Variants in ARID1B observed in about 807,000 individuals in gnomAD.
ARID1B encodes the protein AT-rich interaction domain 1B.
A neutral mutation model predicts 212.3 loss-of-function variants in ARID1B; 30 were observed. The observed-to-expected ratio is 0.14, with a 90% CI of 0.11 to 0.19. The LOEUF (loss-of-function observed/expected upper bound fraction) is 0.19. Ranked by LOEUF, ARID1B falls within the 10% of genes least tolerant of loss-of-function variation. The pLI is 1.00. For missense variants in ARID1B, 2,891 were observed against 3,204.0 expected (o/e 0.90, Z 2.36); for synonymous variants, 1,402 against 1,301.7 (o/e 1.08, Z -1.66).
chr6:157,137,343 C>T (rs1353082976), intron 7 of ARID1B, among the ~76,000 whole-genome samples: 1 of 152,144 alleles, frequency 6.6e-6, no homozygotes, highest in Non-Finnish European at 1.5e-5. Flanking sequence ...TTGCCACCTT[C>T]AAGCAAGCAC....
chr6:156,914,897 T>C (rs11961360), intron 3 of ARID1B, among the ~76,000 whole-genome samples: 33,627 of 152,106 alleles, frequency 0.22, 3,943 homozygotes, highest in African/African-American at 0.29. Flanking sequence ...CACTTTTTTT[T>C]TCTTTTTTTC....
intron 4 of ARID1B, among the ~76,000 whole-genome samples, chr6:157,005,133 TTGTTGTTG>T (rs1194602606): frequency 2.0e-5 from 1 of 51,176 alleles, no homozygotes; most frequent in Non-Finnish European, 3.9e-5. Flanking sequence ...AGGCTGTTTT[TTGTTGTTG>T]TTGTTGTTGT....
intron 4 of ARID1B, among the ~76,000 whole-genome samples, chr6:157,033,674 T>G (rs1438535899): frequency 2.0e-5 from 3 of 152,190 alleles, no homozygotes; most frequent in African/African-American, 4.8e-5. Flanking sequence ...TGAAGGTTTT[T>G]GTGCTTTAGG....
intron 17 of ARID1B, among the ~76,000 whole-genome samples, chr6:157,199,766 C>T (rs1310519120): frequency 6.6e-6 from 1 of 151,904 alleles, no homozygotes; most frequent in Non-Finnish European, 1.5e-5. Context: ...TGGGCTCAAG[C>T]GATTCTCCTG....
At chr6:157,097,067 G>C (rs1362866492) in intron 5 of ARID1B, among the ~76,000 whole-genome samples, 2 of 152,112 alleles carry the variant, frequency 1.3e-5, no homozygotes, top group African/African-American at 4.8e-5. Context: ...AGTGGTTTTA[G>C]CTGTCTCGTT....
chr6:156,868,332 A>G (rs1217780298), intron 2 of ARID1B, among the ~76,000 whole-genome samples: 2 of 152,250 alleles, frequency 1.3e-5, no homozygotes, highest in Admixed American at 1.3e-4. Context: ...GATAAATATT[A>G]AGGATTTAAA....
chr6:157,189,517 C>G, intron 13 of ARID1B, 125 bp from the exon 14 acceptor site: 2 of 1,165,306 alleles, frequency 1.7e-6, no homozygotes, highest in South Asian at 1.8e-5. Context: ...GCTATTGTTA[C>G]TGTTTCTAAT....
intron 13 of ARID1B, among the ~76,000 whole-genome samples, chr6:157,188,799 G>A (rs1793157763): frequency 6.6e-6 from 1 of 152,120 alleles, no homozygotes; most frequent in Admixed American, 6.5e-5. Context: ...TTGATGATCT[G>A]GCGTGCTAAG....
At position 156,778,244 on chromosome 6, in the gene ARID1B, A is replaced by G. The variant is rs1562375493; in HGVS notation, c.564A>G (p.Ala188=). The change falls in exon 1 of 20, where the codon GCA becomes GCG. Residue 188 remains alanine, a synonymous_variant. Coordinates refer to ENST00000636930, the MANE Select transcript of ARID1B (RefSeq NM_001374828.1). The part of the protein sequence containing the change: ...HHAHHLHHHH[A]LQQQLNQFQQ... ...CCCACCACCTCCACCACCACCACGCACTACAGCAGCAGCTAAACCAGTTCC... is the reference window on the plus strand; with the variant it reads ...CCCACCACCTCCACCACCACCACGCGCTACAGCAGCAGCTAAACCAGTTCC... 4 of 1,540,438 alleles carry G rather than the reference A, an allele frequency of 2.6e-6. No individual in the cohort carries two copies. The highest frequency in any genetic ancestry group is 3.5e-6 in the Non-Finnish European group (4 of 1,146,128).
chr6:156,934,915 TATATATATATATATATATATATATATATA>T (rs1792048544), intron 3 of ARID1B, among the ~76,000 whole-genome samples: 1 of 39,040 alleles, frequency 2.6e-5, no homozygotes, highest in Non-Finnish European at 5.1e-5. Flanking sequence ...TTGTTAATTA[TATATATATATATATATATATATATATATA>T]TATATATATA....
At chr6:156,954,957 C>A (rs1433066792) in intron 4 of ARID1B, among the ~76,000 whole-genome samples, 1 of 152,244 alleles carries the variant, frequency 6.6e-6, no homozygotes, top group Non-Finnish European at 1.5e-5. Flanking sequence ...CGGAGGCCAC[C>A]TGGCCCGCTT....
At chr6:157,014,742 T>C (rs1406961616) in intron 4 of ARID1B, among the ~76,000 whole-genome samples, 1 of 152,236 alleles carries the variant, frequency 6.6e-6, no homozygotes, top group Non-Finnish European at 1.5e-5. Flanking sequence ...AGGAATACAA[T>C]AGTTTTCAGT....
intron 4 of ARID1B, among the ~76,000 whole-genome samples, chr6:156,983,173 G>A (rs1777716001): frequency 6.6e-6 from 1 of 151,894 alleles, no homozygotes; most frequent in Non-Finnish European, 1.5e-5. Context: ...GAGATGGGTG[G>A]ATCATGAGGT....
chr6:157,043,698 T>C (rs1309012386), intron 4 of ARID1B, among the ~76,000 whole-genome samples: 1 of 152,240 alleles, frequency 6.6e-6, no homozygotes, highest in Non-Finnish European at 1.5e-5. Context: ...ATTCTGGGAT[T>C]TCCTTGCCGA....
At chr6:156,886,836 A>G (rs1248125517) in intron 2 of ARID1B, among the ~76,000 whole-genome samples, 1 of 152,238 alleles carries the variant, frequency 6.6e-6, no homozygotes, top group Admixed American at 6.5e-5. Flanking sequence ...TCATTGATCC[A>G]GCAATATGTG....
At chr6:156,892,933 T>C (rs1223810033) in intron 2 of ARID1B, among the ~76,000 whole-genome samples, 3 of 152,116 alleles carry the variant, frequency 2.0e-5, no homozygotes, top group African/African-American at 7.2e-5. Context: ...AAGAATAAAA[T>C]TGGACCCTTT....
intron 9 of ARID1B, chr6:157,173,057 G>A (rs1350509975): frequency 6.6e-6 from 1 of 152,212 alleles, no homozygotes; most frequent in Admixed American, 6.5e-5. Context: ...CTGCAGCCCA[G>A]TGTTGCGCAG....
At position 156,778,752 on chromosome 6, in the gene ARID1B, G is replaced by A. The variant is rs2114984668; in HGVS notation, c.1072G>A (p.Gly358Arg). 2 of 1,512,002 alleles carry A rather than the reference G, an allele frequency of 1.3e-6. No homozygotes were observed. The highest frequency in any genetic ancestry group is 1.8e-6 in the Non-Finnish European group (2 of 1,126,142). The allele number at this position is 1,512,002 out of a possible 1,614,324, so 93.7% of individuals were successfully genotyped here. A position where few individuals can be genotyped will look rare whatever the true frequency, so the allele number is the denominator to read the frequency against. ...GCACTCCGCCTCCGCCGCCGCCGCC[G>A]GGGCCCCCGGCAGCATGGACCCCCT... The part of the protein sequence containing the change: ...MMHSASAAAA[G>R]APGSMDPLQN... Residue 358 changes from glycine to arginine, a missense_variant, in exon 1 of 20, where the codon GGG (glycine) becomes AGG (arginine). By Grantham distance (125) the Gly-to-Arg change is moderately radical. Transcript: ENST00000636930.
At chr6:157,090,903 G>A (rs766626518) in intron 5 of ARID1B, among the ~76,000 whole-genome samples, 2 of 152,042 alleles carry the variant, frequency 1.3e-5, no homozygotes, top group African/African-American at 2.4e-5. Flanking sequence ...AGCCAGCTGC[G>A]CTTCACCCTA....
Sources: allele counts gnomAD v4.1 joint callset (sites outside exome capture counted in the v4.1 genomes callset), GRCh38; gene constraint gnomAD v4.1.1; transcripts MANE v1.5; gene names NCBI Gene and HGNC (gene_info 2026-07-23, HGNC 2026-07-21).